Variants in INHA observed in about 807,000 individuals in gnomAD.
The protein encoded by INHA is inhibin alpha chain.
Under a neutral mutation model 21.3 loss-of-function variants are expected in INHA, and 8 were observed. The observed-to-expected ratio is 0.38, with a 90% confidence interval of 0.22 to 0.68. INHA has a LOEUF of 0.68. Ranked by LOEUF, INHA falls within the 30% of genes least tolerant of loss-of-function variation. INHA has a pLI of 0.53. For missense variants in INHA, 436 were observed against 465.8 expected (o/e 0.94, Z 0.59); for synonymous variants, 231 against 207.5 (o/e 1.11, Z -0.97).
rs201577506 is a variant in INHA, at chr2:219,575,002, G to A, written c.577G>A (p.Val193Ile). The change falls in exon 2 of 2, where the codon GTC becomes ATC. Residue 193 changes from valine to isoleucine, a missense_variant. By Grantham distance (29) the Val-to-Ile change is conservative (BLOSUM62 3). Coordinates refer to ENST00000243786, the MANE Select transcript of INHA (RefSeq NM_002191.4). ...TSALSLLTHPVLVLLLRCPLC... is the reference protein window; with the variant it reads ...TSALSLLTHPILVLLLRCPLC... Reference sequence around the variant, plus strand: ...TGCTCTCTCTCTGCTGACCCACCCCGTCCTGGTGCTGCTGCTGCGCTGTCC... The same window carrying A: ...TGCTCTCTCTCTGCTGACCCACCCCATCCTGGTGCTGCTGCTGCGCTGTCC... 43 of 1,613,264 alleles carry A rather than the reference G, an allele frequency of 2.7e-5. No homozygotes were observed. Among genetic ancestry groups the A allele is most frequent in the Middle Eastern group, 3.3e-4 (2 of 6,062 alleles).
In INHA at chr2:219,572,661, C is replaced by G. The variant is rs1697437720; in HGVS notation, c.268+19C>G. ...GCCACAGGTAACGAGGGTGGGGGAACCGGCAGGATGACTTTGAGAAAAAGC... is the reference window on the plus strand; with the variant it reads ...GCCACAGGTAACGAGGGTGGGGGAAGCGGCAGGATGACTTTGAGAAAAAGC... On this transcript the variant is annotated intron_variant, in intron 1 of 1. Coordinates refer to ENST00000243786, the MANE Select transcript of INHA (RefSeq NM_002191.4). 1 of 1,551,100 alleles carries G rather than the reference C, an allele frequency of 6.4e-7. No homozygotes were observed. The highest frequency in any genetic ancestry group is 1.4e-5 in the African/African-American group (1 of 73,058).
chr2:219,575,708 T>C lies in INHA; in HGVS notation c.*182T>C. On this transcript the variant is annotated 3_prime_UTR_variant, in exon 2 of 2. Transcript: ENST00000243786. ...CAATAAAGAACACAGTGCATATGAC[T>C]TGACATATGTTCTCCAGCTTCTCTG... The C allele has an allele frequency of 1.6e-6, 1 of 614,338 alleles. No individual in the cohort carries two copies. Among genetic ancestry groups the C allele is most frequent in the South Asian group, 1.9e-5 (1 of 53,280 alleles). 38.1% of individuals were successfully genotyped at this position (614,338 alleles called of 1,614,324 possible). A position where few individuals can be genotyped will look rare whatever the true frequency, so the allele number is the denominator to read the frequency against.
In INHA at chr2:219,574,830, C is replaced by T. The variant is rs151201776; in HGVS notation, c.405C>T (p.Thr135=). Residue 135 remains threonine, a synonymous_variant, in exon 2 of 2, where the codon ACC becomes ACT. Transcript: ENST00000243786. ...QVTSAQLWFH[T]GLDRQGTAAS... is the part of the protein sequence containing the mutation. ...CTTCAGCCCAGCTGTGGTTCCACAC[C>T]GGGCTGGACAGGCAGGGCACAGCAG... 182 of 1,613,972 alleles carry T rather than the reference C, an allele frequency of 1.1e-4. 1 individual carries two copies. The highest frequency in any genetic ancestry group is 4.9e-4 in the Middle Eastern group (3 of 6,084).
At position 219,574,675 on chromosome 2, in the gene INHA, T is replaced by C; in HGVS notation, c.269-19T>C. On this transcript the variant is annotated intron_variant, in intron 1 of 1. Transcript: ENST00000243786. Reference sequence around the variant, plus strand: ...TGCCAGTCAGGGCTGCCCTCTCCCTTTTCTTCTGTCTCCTGCAGATGCCAG... The same window carrying C: ...TGCCAGTCAGGGCTGCCCTCTCCCTCTTCTTCTGTCTCCTGCAGATGCCAG... The C allele has an allele frequency of 6.3e-7, 1 of 1,596,224 alleles. No individual in the cohort carries two copies. Among genetic ancestry groups the C allele is most frequent in the Non-Finnish European group, 8.5e-7 (1 of 1,171,272 alleles).
intron 1 of INHA, among the ~76,000 whole-genome samples, chr2:219,574,398 T>C (rs372768946): frequency 2.8e-4 from 42 of 152,234 alleles, no homozygotes; most frequent in Admixed American, 5.2e-4. Context: ...GCTGGTGAAG[T>C]GGAGAGAGGG....
At chr2:219,573,582 T>G (rs901084935) in intron 1 of INHA, among the ~76,000 whole-genome samples, 1 of 40,246 alleles carries the variant, frequency 2.5e-5, no homozygotes, top group African/African-American at 8.3e-5. Context: ...CTTTCCCTCC[T>G]TCTTCTTTTT....
rs2229914 is a variant in INHA at position 219,575,531 on chromosome 2, G to T, written c.*5G>T. The stretch of plus-strand genomic sequence containing the variant: ...CAGCACTGTGCTTGTATCTAAGGGT[G>T]GGGGGTCTTCCTTCTTAATCCCATG... On this transcript the variant is annotated 3_prime_UTR_variant, in exon 2 of 2. Coordinates refer to ENST00000243786, the MANE Select transcript of INHA (RefSeq NM_002191.4). 5.1e-3 allele frequency: 8,230 copies of T among 1,607,316 alleles called. 349 individuals are homozygous for T. The African/African-American group carries it at 0.094, about 18-fold the overall frequency.
Position 219,574,912 on chromosome 2 carries a change from G to A in INHA, c.487G>A (p.Val163Met), listed in dbSNP as rs149916845. 2.4e-3 allele frequency: 3,816 copies of A among 1,614,200 alleles called. 5 individuals carry two copies. The highest frequency in any genetic ancestry group is 2.7e-3 in the Non-Finnish European group (3,163 of 1,180,044). Reference protein sequence around the residue: ...GLLALSPGGPVAVPMSLGHAP... With the variant: ...GLLALSPGGPMAVPMSLGHAP... The stretch of plus-strand genomic sequence containing the variant: ...GCTGGCACTGTCACCGGGAGGACCC[G>A]TGGCTGTGCCCATGTCTTTGGGCCA... Residue 163 changes from valine to methionine, a missense_variant, in exon 2 of 2, where the codon GTG becomes ATG. Physicochemically the swap from Val to Met is conservative, Grantham distance 21. Transcript: ENST00000243786.
chr2:219,575,471 C>T lies in INHA; in HGVS notation c.1046C>T (p.Ser349Phe), dbSNP rs769583909. Residue 349 changes from serine (S) to phenylalanine (F), a missense_variant, in exon 2 of 2, where the codon TCT (serine) becomes TTT (phenylalanine). Coordinates refer to ENST00000243786, the MANE Select transcript of INHA (RefSeq NM_002191.4). Reference sequence around the variant, plus strand: ...CGCACCACCTCGGATGGAGGTTACTCTTTCAAGTATGAGACAGTGCCCAAC... The same window carrying T: ...CGCACCACCTCGGATGGAGGTTACTTTTTCAAGTATGAGACAGTGCCCAAC... Reference protein sequence around the residue: ...HVRTTSDGGYSFKYETVPNLL... With the variant: ...HVRTTSDGGYFFKYETVPNLL... The T allele has an allele frequency of 1.9e-5, 30 of 1,613,948 alleles. No individual in the cohort carries two copies. The highest frequency in any genetic ancestry group is 2.3e-5 in the Non-Finnish European group (27 of 1,180,042).
Position 219,575,575 on chromosome 2 carries a change from AC to A in INHA, c.*51del. 1 of 1,447,568 alleles carries A rather than the reference AC, an allele frequency of 6.9e-7. No individual in the cohort carries two copies. Among genetic ancestry groups the A allele is most frequent in the Non-Finnish European group, 9.7e-7 (1 of 1,033,966 alleles). The allele number at this position is 1,447,568 out of a possible 1,614,324, so 89.7% of individuals were successfully genotyped here. ...TCCCATGGCTGGTGGCCACGCCCCC[AC>A]CATCATCAGCTGGGAGGAAAGGCAG... On this transcript the variant is annotated 3_prime_UTR_variant, in exon 2 of 2. Coordinates refer to ENST00000243786, the MANE Select transcript of INHA (RefSeq NM_002191.4).
intron 1 of INHA, among the ~76,000 whole-genome samples, chr2:219,573,584 CTTCTTTT>C (rs1203097590): frequency 2.7e-5 from 1 of 37,526 alleles, no homozygotes; most frequent in Non-Finnish European, 5.1e-5. Flanking sequence ...TTCCCTCCTT[CTTCTTTT>C]TTTTTTTTTT....
At position 219,572,321 on chromosome 2, in the gene INHA, C is replaced by A; in HGVS notation, c.-54C>A. 9 of 1,612,354 alleles carry A rather than the reference C, an allele frequency of 5.6e-6. No homozygotes were observed. The highest frequency in any genetic ancestry group is 7.6e-6 in the Non-Finnish European group (9 of 1,179,664). ...TGGAAAGGCCCTGGGCAGACCCTGGCAGAAGGGGCACGGGGCAGGGTGTGA... is the reference window on the plus strand; with the variant it reads ...TGGAAAGGCCCTGGGCAGACCCTGGAAGAAGGGGCACGGGGCAGGGTGTGA... On this transcript the variant is annotated 5_prime_UTR_variant, in exon 1 of 2. Coordinates refer to ENST00000243786, the MANE Select transcript of INHA (RefSeq NM_002191.4).
chr2:219,573,367 G>A (rs959923786), intron 1 of INHA, among the ~76,000 whole-genome samples: 2 of 152,202 alleles, frequency 1.3e-5, no homozygotes, highest in African/African-American at 4.8e-5. Context: ...ACTAGATAAT[G>A]AGAGAAGCCA....
Position 219,575,604 on chromosome 2 carries a change from T to C in INHA, c.*78T>C, listed in dbSNP as rs1464918810. ...TCATCAGCTGGGAGGAAAGGCAGAG[T>C]TGGGAAATAGATGGCTCCCACTCCT... On this transcript the variant is annotated 3_prime_UTR_variant, in exon 2 of 2. Transcript: ENST00000243786. The C allele has an allele frequency of 2.1e-5, 26 of 1,225,706 alleles. No individual in the cohort carries two copies. The highest frequency in any genetic ancestry group is 3.0e-5 in the Non-Finnish European group (25 of 837,754). The allele number at this position is 1,225,706 out of a possible 1,614,324, so 75.9% of individuals were successfully genotyped here. A position where few individuals can be genotyped will look rare whatever the true frequency, so the allele number is the denominator to read the frequency against.
In INHA at chr2:219,575,657, C is replaced by G; in HGVS notation, c.*131C>G. 1 of 738,326 alleles carries G rather than the reference C, an allele frequency of 1.4e-6. No homozygotes were observed. The highest frequency in any genetic ancestry group is 1.5e-5 in the South Asian group (1 of 66,364). The allele number at this position is 738,326 out of a possible 1,614,324, so 45.7% of individuals were successfully genotyped here. A position where few individuals can be genotyped will look rare whatever the true frequency, so the allele number is the denominator to read the frequency against. On this transcript the variant is annotated 3_prime_UTR_variant, in exon 2 of 2. Coordinates refer to ENST00000243786, the MANE Select transcript of INHA (RefSeq NM_002191.4). ...CTCCTTTCACTTCTCTGCCTATGGG[C>G]TACCCTCCCCACCCCACTTCTATCT...
rs1190141661 is a variant in INHA, at chr2:219,572,565, T to TG, written c.197dup (p.Phe67LeufsTer7). On this transcript the variant is annotated frameshift_variant, in exon 1 of 2. Transcript: ENST00000243786. LOFTEE classifies it high-confidence loss of function. ...AGGCGGCTGCCCCGAAGACATGCCC[T>TG]GGGGGGCTTCACACACAGGGGCTCT... 4.5e-6 allele frequency: 7 copies of TG among 1,564,958 alleles called. No homozygotes were observed. The highest frequency in any genetic ancestry group is 6.1e-6 in the Non-Finnish European group (7 of 1,154,334).
chr2:219,575,525 A>G lies in INHA; in HGVS notation c.1100A>G (p.Ter367=), dbSNP rs754133827. 6.2e-7 allele frequency: 1 copy of G among 1,610,776 alleles called. No individual in the cohort carries two copies. Among genetic ancestry groups the G allele is most frequent in the Non-Finnish European group, 8.5e-7 (1 of 1,177,752 alleles). ...NLLTQHCACI[*] ...CTCACGCAGCACTGTGCTTGTATCTAAGGGTGGGGGGTCTTCCTTCTTAAT... is the reference window on the plus strand; with the variant it reads ...CTCACGCAGCACTGTGCTTGTATCTGAGGGTGGGGGGTCTTCCTTCTTAAT... Residue 367 remains the stop codon, a stop_retained_variant, in exon 2 of 2, where the codon TAA becomes TGA. Transcript: ENST00000243786.
rs1219758986 is a variant in INHA, at chr2:219,575,436, C to T, written c.1011C>T (p.Pro337=). The change falls in exon 2 of 2, where the codon CCC becomes CCT. Residue 337 remains proline, a synonymous_variant. Transcript: ENST00000243786. ...CCAALPGTMR[P]LHVRTTSDGG... is the part of the protein sequence containing the mutation. ...CTGCTCTCCCAGGGACCATGAGGCC[C>T]CTACATGTCCGCACCACCTCGGATG... 4.3e-6 allele frequency: 7 copies of T among 1,613,954 alleles called. No individual in the cohort carries two copies. In the East Asian group the frequency reaches 6.7e-5, roughly 15 times the overall value.
chr2:219,574,942 C>T lies in INHA; in HGVS notation c.517C>T (p.Pro173Ser), dbSNP rs992068119. Residue 173 changes from proline (P) to serine (S), a missense_variant, in exon 2 of 2, where the codon CCC (proline) becomes TCC (serine). Transcript: ENST00000243786. The part of the protein sequence containing the change: ...VAVPMSLGHA[P>S]PHWAVLHLAT... ...TGTGCCCATGTCTTTGGGCCATGCT[C>T]CCCCTCACTGGGCCGTGCTGCACCT... 7 of 1,614,058 alleles carry T rather than the reference C, an allele frequency of 4.3e-6. No homozygotes were observed. In the African/African-American group the frequency reaches 8.0e-5, roughly 18 times the overall value.
Sources: gnomAD v4.1 joint callset for allele counts (sites outside exome capture counted in the v4.1 genomes callset) on GRCh38, gnomAD v4.1.1 for gene constraint, MANE v1.5 for transcripts, NCBI Gene and HGNC (gene_info 2026-07-23, HGNC 2026-07-21) for gene names.